The following HACE1 variants were observed in gnomAD, a reference collection of about 807,000 sequenced individuals.
HACE1 encodes E3 ubiquitin-protein ligase HACE1.
Under a neutral mutation model 118.4 loss-of-function variants are expected in HACE1, and 73 were observed. The ratio of observed to expected loss-of-function variants is 0.62; its 90% CI spans 0.51 to 0.75. HACE1 has a LOEUF of 0.75. Ranked by LOEUF, HACE1 falls within the 30% of genes least tolerant of loss-of-function variation. The probability of loss-of-function intolerance (pLI) is 0.00; values close to 1 mark genes in which losing one functional copy is unlikely to be tolerated. For missense variants in HACE1, 749 were observed against 1,102.2 expected (o/e 0.68, Z 4.54); for synonymous variants, 368 against 374.8 (o/e 0.98, Z 0.21).
intron 19 of HACE1, among the ~76,000 whole-genome samples, chr6:104,760,777 T>C (rs984818672): frequency 2.0e-5 from 3 of 152,228 alleles, no homozygotes; most frequent in Non-Finnish European, 4.4e-5. Flanking sequence ...GCAGATGGCA[T>C]GATTGTGTAT....
chr6:104,811,617 G>A (rs201008846), intron 6 of HACE1, among the ~76,000 whole-genome samples: 1 of 152,094 alleles, frequency 6.6e-6, no homozygotes, highest in Non-Finnish European at 1.5e-5. Context: ...CAGTGTAATA[G>A]AAACTGTGTT....
rs1554264960 is a variant in HACE1, at chr6:104,852,230, C to CGCGT, written c.131+86_131+87insACGC. 8.4e-4 allele frequency: 586 copies of CGCGT among 697,614 alleles called. 1 individual carries two copies. The highest frequency in any genetic ancestry group is 8.1e-3 in the African/African-American group (400 of 49,320). The allele number at this position is 697,614 out of a possible 1,614,324, so 43.2% of individuals were successfully genotyped here. The stretch of plus-strand genomic sequence containing the variant: ...GTGTGTGTGTGTGTGTGTGTGTGTG[C>CGCGT]GCGCGTGCGCGTGCACGGGCATGCA... On this transcript the variant is annotated intron_variant, in intron 2 of 23. Coordinates refer to ENST00000262903, the MANE Select transcript of HACE1 (RefSeq NM_020771.4).
chr6:104,740,607 T>C (rs1179360921), intron 22 of HACE1, among the ~76,000 whole-genome samples: 46 of 151,342 alleles, frequency 3.0e-4, no homozygotes, highest in Non-Finnish European at 5.2e-4. Flanking sequence ...AAGACTAAAC[T>C]AGGAAGAAGT....
chr6:104,809,014 C>A (rs1211693091), intron 7 of HACE1, among the ~76,000 whole-genome samples: 1 of 152,174 alleles, frequency 6.6e-6, no homozygotes, highest in Non-Finnish European at 1.5e-5. Context: ...TATCCCTAAG[C>A]TCAGACTAAC....
chr6:104,816,347 G>A (rs958968461), intron 6 of HACE1, among the ~76,000 whole-genome samples: 3 of 152,228 alleles, frequency 2.0e-5, no homozygotes, highest in African/African-American at 4.8e-5. Flanking sequence ...CCACTGCTCT[G>A]TGCAGCTTCG....
rs1336146350 is a variant in HACE1 at position 104,815,844 on chromosome 6, G to C, written c.535-4451C>G. The stretch of plus-strand genomic sequence containing the variant: ...TCCCAGCACTTTGGGAGGCTGAGGC[G>C]GGCAGATCACCTGAGGTCAGGAGTT... On this transcript the variant is annotated intron_variant, in intron 6 of 23. Transcript: ENST00000262903. 2.2e-5 allele frequency among the ~76,000 whole-genome samples: 2 copies of C among 90,600 alleles called. 1 individual carries two copies. The highest frequency in any genetic ancestry group is 4.5e-5 in the Non-Finnish European group (2 of 44,104). The allele number at this position is 90,600 out of a possible 152,430, so 59.4% of individuals were successfully genotyped here.
intron 22 of HACE1, chr6:104,731,038 A>T (rs1775147240): frequency 6.4e-6 from 1 of 157,194 alleles, no homozygotes; most frequent in Non-Finnish European, 1.4e-5. Flanking sequence ...GGCCACAGGA[A>T]GGCTAACATA....
intron 22 of HACE1, among the ~76,000 whole-genome samples, chr6:104,736,682 C>G (rs957452411): frequency 3.3e-5 from 5 of 151,920 alleles, no homozygotes; most frequent in African/African-American, 1.2e-4. Flanking sequence ...ATCTCTAAGC[C>G]ACAAAAACAA....
chr6:104,748,714 C>G (rs145313059), intron 20 of HACE1, among the ~76,000 whole-genome samples: 1 of 152,174 alleles, frequency 6.6e-6, no homozygotes, highest in Non-Finnish European at 1.5e-5. Flanking sequence ...AACTGAAATG[C>G]TATACAGCAA....
chr6:104,799,242 G>T (rs576741813), intron 7 of HACE1, among the ~76,000 whole-genome samples: 1 of 152,266 alleles, frequency 6.6e-6, no homozygotes, highest in East Asian at 1.9e-4. Context: ...ATACTTTTGA[G>T]TTCCTCTGTA....
At chr6:104,834,024 G>GAAA (rs1774278045) in intron 5 of HACE1, among the ~76,000 whole-genome samples, 1 of 152,010 alleles carries the variant, frequency 6.6e-6, no homozygotes, top group Non-Finnish European at 1.5e-5. Flanking sequence ...TACACCTATG[G>GAAA]TCCTAGCTTC....
chr6:104,818,494 T>C lies in HACE1; in HGVS notation c.535-7101A>G, dbSNP rs117467230. On this transcript the variant is annotated intron_variant, in intron 6 of 23. Transcript: ENST00000262903. ...GCTGCTACCATTCCCATTCAAACTA[T>C]TCCAAAAAATTGAGAAGGGACTATT... is the stretch of plus-strand genomic sequence containing the variant. Among the ~76,000 whole-genome samples the C allele has an allele frequency of 1.8e-3, 268 of 152,122 alleles. 8 individuals are homozygous for C. The East Asian group carries it at 0.04, about 23-fold the overall frequency.
chr6:104,771,304 A>T lies in HACE1; in HGVS notation c.2100T>A (p.Ser700Arg). Residue 700 changes from serine (S) to arginine (R), a missense_variant, in exon 19 of 24, where the codon AGT becomes AGA. By Grantham distance (110) the Ser-to-Arg change is moderately radical. Coordinates refer to ENST00000262903, the MANE Select transcript of HACE1 (RefSeq NM_020771.4). ...AAAAAGTTAGTTCTAGACCCAGATC[A>T]CTTATATCATTATCTAAAATCCATT... is the stretch of plus-strand genomic sequence containing the variant. ...NLQWILDNDI[S>R]DLGLELTFSV... 1.2e-6 allele frequency: 2 copies of T among 1,611,214 alleles called. No homozygotes were observed. The highest frequency in any genetic ancestry group is 8.5e-7 in the Non-Finnish European group (1 of 1,177,370).
At chr6:104,759,443 A>G (rs1779086707) in intron 19 of HACE1, among the ~76,000 whole-genome samples, 1 of 152,240 alleles carries the variant, frequency 6.6e-6, no homozygotes, top group Non-Finnish European at 1.5e-5. Flanking sequence ...GCGCTCCTGA[A>G]TGACTACAGG....
At chr6:104,739,867 T>G (rs879426339) in intron 22 of HACE1, among the ~76,000 whole-genome samples, 26 of 152,148 alleles carry the variant, frequency 1.7e-4, no homozygotes, top group South Asian at 4.2e-4. Flanking sequence ...AATATACATT[T>G]TTTTCAGCAC....
At chr6:104,786,446 A>G (rs1054598934) in intron 11 of HACE1, 11 of 150,492 alleles carry the variant, frequency 7.3e-5, no homozygotes, top group African/African-American at 2.7e-4. Flanking sequence ...ACTATTTCCT[A>G]TTATTATTCT....
intron 4 of HACE1, among the ~76,000 whole-genome samples, chr6:104,846,046 G>A (rs886742978): frequency 1.3e-5 from 2 of 152,118 alleles, no homozygotes; most frequent in African/African-American, 4.8e-5. Context: ...AGGGAAATAG[G>A]CCCAAAAAAG....
At chr6:104,852,179 A>AACATCTAT in intron 2 of HACE1, 138 bp downstream of exon 2, 2 of 657,614 alleles carry the variant, frequency 3.0e-6, no homozygotes, top group Non-Finnish European at 5.6e-6. Context: ...CTTGCCCCAG[A>AACATCTAT]ACATCTATGT....
chr6:104,836,988 A>C (rs1774606929), intron 5 of HACE1, among the ~76,000 whole-genome samples: 1 of 152,240 alleles, frequency 6.6e-6, no homozygotes, highest in African/African-American at 2.4e-5. Flanking sequence ...CTAATGAATA[A>C]AATCAAAGAC....
Sources: allele counts gnomAD v4.1 joint callset (sites outside exome capture counted in the v4.1 genomes callset), GRCh38; gene constraint gnomAD v4.1.1; transcripts MANE v1.5; gene names NCBI Gene and HGNC (gene_info 2026-07-23, HGNC 2026-07-21).